Variants in RIC3 observed in about 807,000 individuals in gnomAD.
RIC3 encodes the protein RIC3 acetylcholine receptor chaperone.
In RIC3, 28 loss-of-function variants were observed where a neutral mutation model predicts 27.3. That is an observed-to-expected ratio of 1.02 (90% CI 0.76 to 1.41). The LOEUF is 1.41. RIC3 is among the 40% of genes most tolerant of loss of function. RIC3 has a pLI of 0.00. For synonymous variants in RIC3, 184 were observed against 160.4 expected, an observed-to-expected ratio of 1.15 and a Z score of -1.11; for missense variants, 501 against 444.7, an observed-to-expected ratio of 1.13 and a Z score of -1.14.
At chr11:8,095,280 T>C in the RIC3 span, among the ~76,000 whole-genome samples, 1 of 152,198 alleles carries the variant, frequency 6.6e-6, no homozygotes, top group African/African-American at 2.4e-5. Context: ...CGGCAATTAA[T>C]TTGGGGGAAG....
chr11:8,110,590 A>G lies in RIC3; in HGVS notation c.*108T>C, dbSNP rs1229473168. The G allele has an allele frequency of 6.3e-6, 6 of 958,728 alleles. No individual in the cohort carries two copies. The highest frequency in any genetic ancestry group is 1.7e-5 in the Admixed American group (1 of 58,254). 59.4% of individuals were successfully genotyped at this position (958,728 alleles called of 1,614,324 possible). On this transcript the variant is annotated 3_prime_UTR_variant, in exon 6 of 6. Transcript: ENST00000309737. ...CCATGATAGTGGCCTGATAGCTATG[A>G]CACTTGAACACAGTGAAGAAAGTGC...
the RIC3 span, among the ~76,000 whole-genome samples, chr11:8,098,163 G>A: frequency 2.0e-5 from 3 of 152,014 alleles, no homozygotes; most frequent in African/African-American, 4.8e-5. Context: ...GGACAGGGCT[G>A]AGAGTGAGCT....
At position 8,126,711 on chromosome 11, in the gene RIC3, T is replaced by A. The variant is rs1947028088; in HGVS notation, c.618A>T (p.Arg206Ser). Residue 206 changes from arginine (R) to serine (S), a missense_variant, in exon 5 of 6, where the codon AGA becomes AGT. By Grantham distance (110) the Arg-to-Ser change is moderately radical (BLOSUM62 -1). Transcript: ENST00000309737. ...RVMKEGKFID[R>S]FSPEKEAEEA... ...CCTCAGCTTCTTTCTCTGGAGAAAA[T>A]CTGTCAATGAATTTTCCTTCTTTCA... is the stretch of plus-strand genomic sequence containing the variant. 2 of 1,614,104 alleles carry A rather than the reference T, an allele frequency of 1.2e-6. No homozygotes were observed. The highest frequency in any genetic ancestry group is 1.7e-6 in the Non-Finnish European group (2 of 1,180,022).
At chr11:8,100,744 C>G in the RIC3 span, 1 of 1,581,100 alleles carries the variant, frequency 6.3e-7, no homozygotes, top group Non-Finnish European at 8.6e-7. Flanking sequence ...TCCAAGGACC[C>G]CCATTCCCGG....
chr11:8,150,144 T>C (rs1174016453), intron 1 of RIC3, among the ~76,000 whole-genome samples: 1 of 152,178 alleles, frequency 6.6e-6, no homozygotes, highest in Admixed American at 6.5e-5. Context: ...TCAGCATGAA[T>C]TCCTGTTCCC....
At chr11:8,095,418 AT>A in the RIC3 span, 1 of 1,461,638 alleles carries the variant, frequency 6.8e-7, no homozygotes, top group Admixed American at 2.2e-5. Context: ...CTCTTCCCTC[AT>A]CCCCTTCATG....
chr11:8,155,899 G>A (rs180965802), intron 1 of RIC3, among the ~76,000 whole-genome samples: 49 of 152,320 alleles, frequency 3.2e-4, no homozygotes, highest in Admixed American at 3.1e-3. Flanking sequence ...ACTTGAAGTA[G>A]AAGCCAAGAC....
intron 1 of RIC3, among the ~76,000 whole-genome samples, chr11:8,161,535 T>G (rs570452841): frequency 5.1e-4 from 77 of 152,346 alleles, no homozygotes; most frequent in African/African-American, 1.8e-3. Context: ...AATATCCATA[T>G]TTTCCTTTGG....
intron 1 of RIC3, among the ~76,000 whole-genome samples, chr11:8,155,875 T>C (rs1950615404): frequency 1.3e-5 from 2 of 152,182 alleles, no homozygotes; most frequent in Admixed American, 6.5e-5. Context: ...AGAAGCCATA[T>C]TTGATTCAGC....
intron 1 of RIC3, among the ~76,000 whole-genome samples, chr11:8,145,294 A>G (rs1949560406): frequency 6.6e-6 from 1 of 151,654 alleles, no homozygotes; most frequent in Admixed American, 6.6e-5. Context: ...AGGTACTTTC[A>G]CATTCTAGCT....
rs202224351 is a variant in RIC3, at chr11:8,167,776, G to GA, written c.124+1089dup. Among the ~76,000 whole-genome samples the GA allele has an allele frequency of 6.2e-3, 929 of 150,748 alleles. 10 individuals are homozygous for GA. Among genetic ancestry groups the GA allele is most frequent in the African/African-American group, 0.019 (762 of 41,120 alleles). On this transcript the variant is annotated intron_variant, in intron 1 of 5. Transcript: ENST00000309737. Reference sequence around the variant, plus strand: ...GGGATTATTGCAATAAGACAGAAAGGAAAAAAAAAGAACAAATACGCAAAG... The same window carrying GA: ...GGGATTATTGCAATAAGACAGAAAGGAAAAAAAAAAGAACAAATACGCAAAG...
chr11:8,124,224 GA>G (rs1946774002), intron 5 of RIC3, among the ~76,000 whole-genome samples: 1 of 151,958 alleles, frequency 6.6e-6, no homozygotes, highest in African/African-American at 2.4e-5. Context: ...AACTTTTCCA[GA>G]AAATAGAAAA....
chr11:8,129,137 T>A (rs1192240435), intron 4 of RIC3, among the ~76,000 whole-genome samples: 1 of 151,912 alleles, frequency 6.6e-6, no homozygotes, highest in Non-Finnish European at 1.5e-5. Context: ...GACTTCTCTA[T>A]ACCATAGACC....
intron 2 of RIC3, chr11:8,139,301 C>T (rs1327293407): frequency 6.6e-6 from 1 of 152,464 alleles, no homozygotes; most frequent in Non-Finnish European, 1.5e-5. Flanking sequence ...CAAAGTGAGT[C>T]TTCTGCCTCT....
At position 8,107,140 on chromosome 11, in the gene RIC3, GAA is replaced by G. The variant is rs1384200070; in HGVS notation, c.*3556_*3557del. 1 of 152,218 alleles carries G rather than the reference GAA, an allele frequency of 6.6e-6. No individual in the cohort carries two copies. Among genetic ancestry groups the G allele is most frequent in the Non-Finnish European group, 1.5e-5 (1 of 68,024 alleles). 9.4% of individuals were successfully genotyped at this position (152,218 alleles called of 1,614,324 possible). The stretch of plus-strand genomic sequence containing the variant: ...ATAAAGGAAAAGGAAGCACATTTTA[GAA>G]AAGTCAATGGTCAAGGCAAAGTCAT... On this transcript the variant is annotated 3_prime_UTR_variant, in exon 6 of 6. Transcript: ENST00000309737.
downstream of RIC3, chr11:8,105,756 A>AAGAC (rs1255720966): frequency 1.3e-5 from 2 of 152,168 alleles, no homozygotes; most frequent in East Asian, 1.9e-4. Context: ...TTTCCTAAGA[A>AAGAC]AGACATCACA....
chr11:8,118,883 G>GA (rs1019132069), intron 5 of RIC3, among the ~76,000 whole-genome samples: 4 of 140,936 alleles, frequency 2.8e-5, no homozygotes, highest in South Asian at 2.3e-4. Flanking sequence ...AAAAAAAAAA[G>GA]AAAAAATAGC....
At position 8,107,196 on chromosome 11, in the gene RIC3, G is replaced by A. The variant is rs548438013; in HGVS notation, c.*3502C>T. 2 of 152,336 alleles carry A rather than the reference G, an allele frequency of 1.3e-5. No individual in the cohort carries two copies. The highest frequency in any genetic ancestry group is 4.1e-4 in the South Asian group (2 of 4,824). 9.4% of individuals were successfully genotyped at this position (152,336 alleles called of 1,614,324 possible). Reference sequence around the variant, plus strand: ...TGTGTTCATGTTTTTTCTCAATATTGCTGAATAGCTAAAGCACTAAATTTT... The same window carrying A: ...TGTGTTCATGTTTTTTCTCAATATTACTGAATAGCTAAAGCACTAAATTTT... On this transcript the variant is annotated 3_prime_UTR_variant, in exon 6 of 6. Coordinates refer to ENST00000309737, the MANE Select transcript of RIC3 (RefSeq NM_001206671.4).
the RIC3 span, chr11:8,100,812 G>A: frequency 5.6e-6 from 9 of 1,613,204 alleles, no homozygotes; most frequent in African/African-American, 1.3e-5. Flanking sequence ...GCTCAGGTGA[G>A]GCTGCCCTCC....
Sources: gnomAD v4.1 joint callset for allele counts (sites outside exome capture counted in the v4.1 genomes callset) on GRCh38, gnomAD v4.1.1 for gene constraint, MANE v1.5 for transcripts, NCBI Gene and HGNC (gene_info 2026-07-23, HGNC 2026-07-21) for gene names.